ABHD17B: variants seen among roughly 807,000 people sequenced by gnomAD.
ABHD17B encodes abhydrolase domain containing 17B, depalmitoylase, also known as alpha/beta hydrolase domain-containing protein 17B.
ABHD17B carries 9 observed loss-of-function variants against 26.2 expected under a neutral mutation model. The ratio of observed to expected loss-of-function variants is 0.34; its 90% CI spans 0.21 to 0.60. ABHD17B has a LOEUF of 0.60. ABHD17B is among the 20% of genes least tolerant of loss of function. The probability of loss-of-function intolerance (pLI) is 0.80; values close to 1 mark genes in which losing one functional copy is unlikely to be tolerated. For missense variants in ABHD17B, 224 were observed against 352.1 expected (o/e 0.64, Z 2.91); for synonymous variants, 127 against 122.3 (o/e 1.04, Z -0.25).
intron 1 of ABHD17B, among the ~76,000 whole-genome samples, chr9:71,876,540 T>C (rs1826281331): frequency 6.6e-6 from 1 of 152,010 alleles, no homozygotes; most frequent in African/African-American, 2.4e-5. Flanking sequence ...GGCCATTGCT[T>C]AGTTCCAGAG....
intron 1 of ABHD17B, among the ~76,000 whole-genome samples, chr9:71,880,619 G>A (rs1479226965): frequency 6.6e-6 from 1 of 152,038 alleles, no homozygotes; most frequent in Non-Finnish European, 1.5e-5. Context: ...GCAAATGCAT[G>A]AACTTAGGTA....
chr9:71,883,790 A>T (rs1826521806), intron 1 of ABHD17B, among the ~76,000 whole-genome samples: 1 of 152,096 alleles, frequency 6.6e-6, no homozygotes, highest in Non-Finnish European at 1.5e-5. Context: ...TACAGAAATT[A>T]GTTGGGCATG....
At chr9:71,864,499 A>G (rs1209621236), downstream of ABHD17B, among the ~76,000 whole-genome samples, 1 of 151,994 alleles carries the variant, frequency 6.6e-6, no homozygotes, top group East Asian at 1.9e-4. Context: ...GATTACAGAC[A>G]TGAGCCACCG....
intron 1 of ABHD17B, among the ~76,000 whole-genome samples, chr9:71,897,390 G>A (rs1237680170): frequency 1.3e-5 from 2 of 152,132 alleles, no homozygotes; most frequent in African/African-American, 2.4e-5. Flanking sequence ...GGTGGCACAC[G>A]CCTGTGGTCC....
chr9:71,906,066 ATAAG>A lies in ABHD17B; in HGVS notation c.-4+4564_-4+4567del, dbSNP rs540748591. ...TCTGTCTCAAAAAATAAATAAATAA[ATAAG>A]TAAGTAAATAAACAAATAGTGCTGC... On this transcript the variant is annotated intron_variant, in intron 1 of 3. Transcript: ENST00000333421. Among the ~76,000 whole-genome samples, 573 of 152,142 alleles carry A rather than the reference ATAAG, an allele frequency of 3.8e-3. 5 individuals are homozygous for A. Among genetic ancestry groups the A allele is most frequent in the African/African-American group, 0.013 (529 of 41,512 alleles).
Position 71,874,691 on chromosome 9 carries a change from A to G in ABHD17B, c.390T>C (p.Tyr130=). 4 of 1,614,086 alleles carry G rather than the reference A, an allele frequency of 2.5e-6. No homozygotes were observed. The highest frequency in any genetic ancestry group is 3.4e-6 in the Non-Finnish European group (4 of 1,179,968). Residue 130 remains tyrosine, a synonymous_variant, in exon 2 of 4, where the codon TAT becomes TAC. Coordinates refer to ENST00000333421, the MANE Select transcript of ABHD17B (RefSeq NM_001025780.3). The part of the protein sequence containing the change: ...CNIFSYDYSG[Y]GASSGKPTEK... The stretch of plus-strand genomic sequence containing the variant: ...CTGTGGGTTTCCCGGAACTGGCACC[A>G]TATCCAGAATAATCATATGAGAATA...
At chr9:71,902,621 T>C (rs891324558) in intron 1 of ABHD17B, 1 of 152,186 alleles carries the variant, frequency 6.6e-6, no homozygotes, top group South Asian at 2.1e-4. Context: ...TAACTTGTAG[T>C]GTTTCAGATG....
chr9:71,875,049 C>T lies in ABHD17B; in HGVS notation c.32G>A (p.Cys11Tyr). 1 of 1,610,048 alleles carries T rather than the reference C, an allele frequency of 6.2e-7. No homozygotes were observed. Among genetic ancestry groups the T allele is most frequent in the Non-Finnish European group, 8.5e-7 (1 of 1,177,034 alleles). ...TGGACAAGGTGGACAGCAGAAGAGG[C>T]AACATAGCTCACTAAATGAAAGATT... MNNLSFSELC[C>Y]LFCCPPCPGK... The change falls in exon 2 of 4, where the codon TGC becomes TAC. Residue 11 changes from cysteine (C) to tyrosine (Y), a missense_variant. Cys to Tyr is a radical substitution (Grantham distance 194). Transcript: ENST00000333421.
At chr9:71,904,023 T>G (rs184467242) in intron 1 of ABHD17B, among the ~76,000 whole-genome samples, 1 of 152,218 alleles carries the variant, frequency 6.6e-6, no homozygotes, top group Non-Finnish European at 1.5e-5. Flanking sequence ...CCATATTCTA[T>G]CCACTCTTCC....
chr9:71,883,546 G>C (rs1826513059), intron 1 of ABHD17B, among the ~76,000 whole-genome samples: 1 of 152,196 alleles, frequency 6.6e-6, no homozygotes, highest in Admixed American at 6.5e-5. Context: ...ATTCCAGGCA[G>C]ATCACAGACT....
intron 2 of ABHD17B, among the ~76,000 whole-genome samples, 155 bp from the exon 3 acceptor site, chr9:71,870,417 T>C (rs1251233758): frequency 6.6e-6 from 1 of 152,236 alleles, no homozygotes; most frequent in Non-Finnish European, 1.5e-5. Context: ...GTTTTAACAT[T>C]ACAATAAAGT....
chr9:71,880,911 T>C (rs1364205473), intron 1 of ABHD17B, among the ~76,000 whole-genome samples: 1 of 151,812 alleles, frequency 6.6e-6, no homozygotes, highest in Non-Finnish European at 1.5e-5. Flanking sequence ...TTATAAAATT[T>C]ATATAAAAGT....
chr9:71,890,540 T>C (rs894549416), intron 1 of ABHD17B, among the ~76,000 whole-genome samples: 1 of 152,224 alleles, frequency 6.6e-6, no homozygotes, highest in Non-Finnish European at 1.5e-5. Context: ...TTTTTATCTA[T>C]TGGTTGATTC....
At chr9:71,890,810 A>T (rs1826758618) in intron 1 of ABHD17B, among the ~76,000 whole-genome samples, 2 of 152,194 alleles carry the variant, frequency 1.3e-5, no homozygotes, top group South Asian at 4.1e-4. Context: ...CCAATTTATT[A>T]GAATTTGTTC....
At chr9:71,874,416 T>C (rs1389200050) in intron 2 of ABHD17B, among the ~76,000 whole-genome samples, 198 bp downstream of exon 2, 1 of 152,198 alleles carries the variant, frequency 6.6e-6, no homozygotes, top group Non-Finnish European at 1.5e-5. Flanking sequence ...AACCTGAAAC[T>C]GTCTTTAAAA....
chr9:71,879,385 A>AGT (rs1396547286), intron 1 of ABHD17B, among the ~76,000 whole-genome samples: 2 of 152,318 alleles, frequency 1.3e-5, no homozygotes, highest in Non-Finnish European at 2.9e-5. Context: ...CTTAAGAGGT[A>AGT]AAAATGTGCT....
chr9:71,875,223 T>C (rs1826231410), intron 1 of ABHD17B, 140 bp from the exon 2 acceptor site: 1 of 670,984 alleles, frequency 1.5e-6, no homozygotes, highest in Non-Finnish European at 2.3e-6. Context: ...AAACAGATTT[T>C]TGGCTTCTTT....
At chr9:71,900,139 C>T (rs1380621962) in intron 1 of ABHD17B, among the ~76,000 whole-genome samples, 2 of 152,124 alleles carry the variant, frequency 1.3e-5, no homozygotes, top group Non-Finnish European at 2.9e-5. Flanking sequence ...CTTTTCTATC[C>T]TTTTTGTACT....
At chr9:71,871,583 T>G (rs973436785) in intron 2 of ABHD17B, among the ~76,000 whole-genome samples, 3 of 152,204 alleles carry the variant, frequency 2.0e-5, no homozygotes, top group Non-Finnish European at 4.4e-5. Flanking sequence ...ATCATGAAAT[T>G]TGGGCTACAG....
Sources: gnomAD v4.1 joint callset for allele counts (sites outside exome capture counted in the v4.1 genomes callset) on GRCh38, gnomAD v4.1.1 for gene constraint, MANE v1.5 for transcripts, NCBI Gene and HGNC (gene_info 2026-07-23, HGNC 2026-07-21) for gene names.